GRIP1: variants seen among roughly 807,000 people sequenced by gnomAD.
The protein encoded by GRIP1 is glutamate receptor-interacting protein 1.
A neutral mutation model predicts 129.9 loss-of-function variants in GRIP1; 45 were observed. The ratio of observed to expected loss-of-function variants is 0.35; its 90% CI spans 0.27 to 0.44. GRIP1 has a LOEUF of 0.44. Ranked by LOEUF, GRIP1 falls within the 20% of genes least tolerant of loss-of-function variation. The pLI is 1.00. For missense variants in GRIP1, 1,196 were observed against 1,396.8 expected, an observed-to-expected ratio of 0.86 and a Z score of 2.29; for synonymous variants, 530 against 520.8, an observed-to-expected ratio of 1.02 and a Z score of -0.24.
At chr12:66,658,094 T>C (rs2136179076) in intron 1 of GRIP1, among the ~76,000 whole-genome samples, 1 of 152,288 alleles carries the variant, frequency 6.6e-6, no homozygotes, top group East Asian at 1.9e-4. Flanking sequence ...TATGAAATTA[T>C]TTCAAAAGTT....
chr12:67,050,800 C>T (rs1448702141), intron 1 of GRIP1, among the ~76,000 whole-genome samples: 1 of 152,104 alleles, frequency 6.6e-6, no homozygotes, highest in Non-Finnish European at 1.5e-5. Flanking sequence ...CACTGCTTTA[C>T]CCCTTTTCCT....
At chr12:67,030,564 T>A (rs2043007863) in intron 1 of GRIP1, among the ~76,000 whole-genome samples, 1 of 152,190 alleles carries the variant, frequency 6.6e-6, no homozygotes, top group Admixed American at 6.5e-5. Flanking sequence ...TTCATAAAAA[T>A]CTGTTCCACT....
chr12:66,392,288 G>A lies in GRIP1; in HGVS notation c.2464+20C>T. ...GCTTCAACAATGACAAGTCCTCTGG[G>A]GGACAAAGTAAAGACATACCTTGAG... On this transcript the variant is annotated intron_variant, in intron 19 of 24. Transcript: ENST00000359742. 1 of 1,420,616 alleles carries A rather than the reference G, an allele frequency of 7.0e-7. No homozygotes were observed. The allele number at this position is 1,420,616 out of a possible 1,614,324, so 88.0% of individuals were successfully genotyped here.
intron 8 of GRIP1, among the ~76,000 whole-genome samples, chr12:66,464,449 T>C (rs2059224356): frequency 6.6e-6 from 1 of 152,226 alleles, no homozygotes; most frequent in African/African-American, 2.4e-5. Context: ...TATGAGAGTA[T>C]AGGACTTTTT....
chr12:66,928,162 C>A (rs1335867298), intron 1 of GRIP1, among the ~76,000 whole-genome samples: 1 of 152,198 alleles, frequency 6.6e-6, no homozygotes, highest in Non-Finnish European at 1.5e-5. Flanking sequence ...TTTTCTCTTA[C>A]TTACAGTTAA....
intron 1 of GRIP1, among the ~76,000 whole-genome samples, chr12:66,950,553 TAATA>T (rs2041740530): frequency 6.6e-6 from 1 of 152,076 alleles, no homozygotes; most frequent in South Asian, 2.1e-4. Flanking sequence ...TAACCAATAT[TAATA>T]AATAAAATAG....
At chr12:66,719,249 G>GATA (rs944670516) in intron 1 of GRIP1, among the ~76,000 whole-genome samples, 5 of 152,076 alleles carry the variant, frequency 3.3e-5, no homozygotes, top group Admixed American at 2.6e-4. Flanking sequence ...TGCTCTAGAA[G>GATA]ATAATAATAA....
intron 4 of GRIP1, among the ~76,000 whole-genome samples, chr12:66,538,375 T>C (rs1474313084): frequency 6.6e-6 from 1 of 152,010 alleles, no homozygotes; most frequent in East Asian, 1.9e-4. Context: ...AATCTTTTTT[T>C]GGTAGAAACA....
At chr12:66,767,437 A>T (rs1004095138) in intron 1 of GRIP1, among the ~76,000 whole-genome samples, 1 of 152,138 alleles carries the variant, frequency 6.6e-6, no homozygotes, top group African/African-American at 2.4e-5. Flanking sequence ...ATGTTTAAAG[A>T]GTTATTTCAA....
intron 13 of GRIP1, among the ~76,000 whole-genome samples, chr12:66,433,865 G>T (rs183345738): frequency 4.1e-4 from 62 of 152,270 alleles, no homozygotes; most frequent in Admixed American, 4.0e-3. Flanking sequence ...ACTCAAGGCA[G>T]GTGCCTATCC....
intron 7 of GRIP1, among the ~76,000 whole-genome samples, chr12:66,499,659 T>C (rs781557338): frequency 1.3e-5 from 2 of 152,132 alleles, no homozygotes; most frequent in African/African-American, 4.8e-5. Context: ...TAAGATGGTA[T>C]GGGAGTTATT....
intron 1 of GRIP1, among the ~76,000 whole-genome samples, chr12:66,655,000 G>A (rs893036075): frequency 6.6e-6 from 1 of 152,040 alleles, no homozygotes. Context: ...TTAAAGTATT[G>A]TACGCAGGAA....
At chr12:66,595,580 A>G (rs1245710636) in intron 2 of GRIP1, among the ~76,000 whole-genome samples, 1 of 152,228 alleles carries the variant, frequency 6.6e-6, no homozygotes, top group East Asian at 1.9e-4. Context: ...AATGCTGACA[A>G]GGAGAAAGAG....
chr12:66,655,333 TG>T (rs2033079898), intron 1 of GRIP1, among the ~76,000 whole-genome samples: 2 of 152,212 alleles, frequency 1.3e-5, no homozygotes, highest in Admixed American at 1.3e-4. Context: ...TTTTTTATGG[TG>T]GCTTTAGGTT....
chr12:66,513,027 G>A (rs2060744659), intron 7 of GRIP1, among the ~76,000 whole-genome samples: 1 of 152,144 alleles, frequency 6.6e-6, no homozygotes, highest in Non-Finnish European at 1.5e-5. Flanking sequence ...ATTTTTGGGT[G>A]TAATATGAAG....
intron 15 of GRIP1, among the ~76,000 whole-genome samples, chr12:66,418,068 T>C (rs561342388): frequency 2.6e-5 from 4 of 152,150 alleles, no homozygotes; most frequent in South Asian, 2.1e-4. Flanking sequence ...CCAAACACCA[T>C]GGCACTGACA....
chr12:66,859,294 AAAAAAC>A (rs2040068367), intron 1 of GRIP1, among the ~76,000 whole-genome samples: 2 of 19,402 alleles, frequency 1.0e-4, no homozygotes, highest in Admixed American at 1.6e-3. Flanking sequence ...CAAAAAAACA[AAAAAAC>A]AAAAAAAAAC....
intron 1 of GRIP1, among the ~76,000 whole-genome samples, chr12:67,068,093 G>A (rs1228573832): frequency 6.6e-6 from 1 of 152,144 alleles, no homozygotes; most frequent in Non-Finnish European, 1.5e-5. Flanking sequence ...TAGCCCCATG[G>A]GGCCTGTATA....
At chr12:66,822,843 G>A (rs568968512) in intron 1 of GRIP1, among the ~76,000 whole-genome samples, 59 of 152,220 alleles carry the variant, frequency 3.9e-4, no homozygotes, top group Middle Eastern at 6.8e-3. Flanking sequence ...GGAGGAGAAA[G>A]GGAAAGGAGC....
Sources: gnomAD v4.1 joint callset for allele counts (sites outside exome capture counted in the v4.1 genomes callset) on GRCh38, gnomAD v4.1.1 for gene constraint, MANE v1.5 for transcripts, NCBI Gene and HGNC (gene_info 2026-07-23, HGNC 2026-07-21) for gene names.